Variants in ALCAM observed in about 807,000 individuals in gnomAD.
The protein encoded by ALCAM is CD166 antigen.
ALCAM carries 30 observed loss-of-function variants against 70.9 expected under a neutral mutation model. The observed-to-expected ratio is 0.42, with a 90% CI of 0.32 to 0.57. ALCAM has a LOEUF of 0.57. Among genes scored for constraint, ALCAM ranks in the 20% least tolerant of loss-of-function variants. The probability of loss-of-function intolerance (pLI) is 0.11; values close to 1 mark genes in which losing one functional copy is unlikely to be tolerated. For missense variants in ALCAM, 591 were observed against 695.1 expected, an observed-to-expected ratio of 0.85 and a Z score of 1.68; for synonymous variants, 249 against 242.5, an observed-to-expected ratio of 1.03 and a Z score of -0.25.
chr3:105,562,766 C>A (rs964549175), intron 14 of ALCAM, among the ~76,000 whole-genome samples: 1 of 152,120 alleles, frequency 6.6e-6, no homozygotes, highest in Non-Finnish European at 1.5e-5. Flanking sequence ...TTTATGAGAA[C>A]TTGCTTCAAA....
chr3:105,398,764 A>T (rs963107092), intron 1 of ALCAM, among the ~76,000 whole-genome samples: 4 of 152,084 alleles, frequency 2.6e-5, no homozygotes, highest in African/African-American at 9.7e-5. Context: ...AGAAGCTGGT[A>T]ATATTTACCA....
chr3:105,536,093 CTTT>C (rs71299365), intron 6 of ALCAM, among the ~76,000 whole-genome samples: 12 of 141,864 alleles, frequency 8.5e-5, no homozygotes, highest in Admixed American at 7.1e-5. Flanking sequence ...TTCTTTCTTT[CTTT>C]TTTTTTTTTT....
At chr3:105,434,505 A>T (rs1937008387) in intron 1 of ALCAM, among the ~76,000 whole-genome samples, 1 of 151,924 alleles carries the variant, frequency 6.6e-6, no homozygotes, top group Admixed American at 6.6e-5. Flanking sequence ...AAAATATGAG[A>T]TTATTTTTCC....
At chr3:105,483,188 A>T (rs1466402093) in intron 1 of ALCAM, among the ~76,000 whole-genome samples, 5 of 152,102 alleles carry the variant, frequency 3.3e-5, no homozygotes, top group Admixed American at 2.6e-4. Flanking sequence ...GTCTCTCTTC[A>T]TTTATTACAA....
intron 1 of ALCAM, among the ~76,000 whole-genome samples, chr3:105,515,687 C>T (rs187719952): frequency 1.3e-5 from 2 of 151,974 alleles, no homozygotes; most frequent in Admixed American, 1.3e-4. Flanking sequence ...GCAAAGCACT[C>T]TCACGATAAA....
rs769622438 is a variant in ALCAM, at chr3:105,533,605, G to A, written c.462G>A (p.Leu154=). ...LFLETEQLKK[L]GDCISEDSYP... ...AACATTGCCTTTTTATTTTGCAGTT[G>A]GGTGACTGCATTTCAGAAGACAGTT... is the stretch of plus-strand genomic sequence containing the variant. Residue 154 remains leucine, a splice_region_variant and synonymous_variant, in exon 5 of 16, where the codon TTG becomes TTA. Transcript: ENST00000306107. The A allele has an allele frequency of 3.7e-6, 6 of 1,610,256 alleles. No individual in the cohort carries two copies. The South Asian group carries it at 5.5e-5, about 15-fold the overall frequency.
At chr3:105,534,897 C>A in intron 6 of ALCAM, 52 bp downstream of exon 6, 3 of 1,479,574 alleles carry the variant, frequency 2.0e-6, no homozygotes, top group South Asian at 2.7e-5. Flanking sequence ...AAATAATATT[C>A]AAATGCTATT....
intron 1 of ALCAM, among the ~76,000 whole-genome samples, chr3:105,487,774 C>T (rs745876420): frequency 3.3e-5 from 5 of 152,014 alleles, no homozygotes; most frequent in African/African-American, 7.2e-5. Flanking sequence ...AGACTTTCAG[C>T]GAGAAAACAA....
intron 2 of ALCAM, 110 bp from the exon 3 acceptor site, chr3:105,524,179 C>A: frequency 1.1e-6 from 1 of 927,402 alleles, no homozygotes; most frequent in Non-Finnish European, 1.6e-6. Context: ...TCTTCGTAGA[C>A]AAAAAATATA....
intron 1 of ALCAM, among the ~76,000 whole-genome samples, chr3:105,368,263 G>GAGAGAGAGAGAGAA (rs1412428456): frequency 7.0e-6 from 1 of 143,340 alleles, no homozygotes; most frequent in African/African-American, 2.5e-5. Flanking sequence ...GAGAGAGAGA[G>GAGAGAGAGAGAGAA]AAAAGGCAAA....
intron 2 of ALCAM, among the ~76,000 whole-genome samples, 194 bp from the exon 3 acceptor site, chr3:105,524,095 T>A (rs976417842): frequency 6.6e-6 from 1 of 152,210 alleles, no homozygotes; most frequent in African/African-American, 2.4e-5. Flanking sequence ...CTTTCATTTT[T>A]ACTCATTATG....
At chr3:105,510,788 T>G (rs1041045143) in intron 1 of ALCAM, among the ~76,000 whole-genome samples, 2 of 152,086 alleles carry the variant, frequency 1.3e-5, no homozygotes, top group African/African-American at 2.4e-5. Flanking sequence ...TTTACCACCT[T>G]GTTTGTGATA....
At chr3:105,489,426 G>T (rs890217273) in intron 1 of ALCAM, among the ~76,000 whole-genome samples, 6 of 152,010 alleles carry the variant, frequency 3.9e-5, no homozygotes, top group African/African-American at 7.2e-5. Flanking sequence ...TCAGACTTTT[G>T]GCCATGTTGA....
intron 14 of ALCAM, among the ~76,000 whole-genome samples, chr3:105,558,640 C>T (rs1186120834): frequency 6.6e-6 from 1 of 152,126 alleles, no homozygotes; most frequent in East Asian, 1.9e-4. Context: ...CTTAAATCTT[C>T]TGAAAAGTTA....
chr3:105,490,662 C>T (rs749750496), intron 1 of ALCAM, among the ~76,000 whole-genome samples: 9 of 152,162 alleles, frequency 5.9e-5, no homozygotes, highest in Admixed American at 1.3e-4. Flanking sequence ...CAAGTACAAA[C>T]TCCAGCAAGG....
chr3:105,555,441 A>C (rs1940494439), intron 14 of ALCAM, among the ~76,000 whole-genome samples: 1 of 152,034 alleles, frequency 6.6e-6, no homozygotes, highest in African/African-American at 2.4e-5. Context: ...GCATTTTTGG[A>C]ATATGAATTA....
At chr3:105,507,966 A>G (rs1939127973) in intron 1 of ALCAM, among the ~76,000 whole-genome samples, 1 of 152,084 alleles carries the variant, frequency 6.6e-6, no homozygotes, top group Admixed American at 6.6e-5. Flanking sequence ...CCCCACCTAC[A>G]TTAAAAAGCC....
intron 1 of ALCAM, among the ~76,000 whole-genome samples, chr3:105,368,239 G>C (rs1009540717): frequency 6.7e-6 from 1 of 149,472 alleles, no homozygotes; most frequent in Non-Finnish European, 1.5e-5. Flanking sequence ...GAGAGAGAGA[G>C]AGAGAGAGAG....
rs564027342 is a variant in ALCAM, at chr3:105,424,344, G to A, written c.73+56863G>A. Among the ~76,000 whole-genome samples the A allele has an allele frequency of 4.0e-5, 6 of 151,614 alleles. No homozygotes were observed. The South Asian group carries it at 1.0e-3, about 26-fold the overall frequency. The stretch of plus-strand genomic sequence containing the variant: ...GGAGCCATGCTATCCTAAATTATAC[G>A]TCTAAGAAATTCCAGAATTCAGATG... On this transcript the variant is annotated intron_variant, in intron 1 of 15. Transcript: ENST00000306107.
Sources: allele counts gnomAD v4.1 joint callset (sites outside exome capture counted in the v4.1 genomes callset), GRCh38; gene constraint gnomAD v4.1.1; transcripts MANE v1.5; gene names NCBI Gene and HGNC (gene_info 2026-07-23, HGNC 2026-07-21).